Variants in PRSS38 observed in about 807,000 individuals in gnomAD.
PRSS38 encodes the protein marapsin 2.
Under a neutral mutation model 26.8 loss-of-function variants are expected in PRSS38, and 22 were observed. That is an observed-to-expected ratio of 0.82 (90% CI 0.59 to 1.17). The LOEUF (loss-of-function observed/expected upper bound fraction) is 1.17, where lower values mean the gene tolerates loss of function less well. PRSS38 is among the 50% of genes most tolerant of loss of function. The probability of loss-of-function intolerance (pLI) is 0.00; values close to 1 mark genes in which losing one functional copy is unlikely to be tolerated. For synonymous variants in PRSS38, 175 were observed against 172.1 expected, an observed-to-expected ratio of 1.02 and a Z score of -0.13; for missense variants, 427 against 422.7, an observed-to-expected ratio of 1.01 and a Z score of -0.09.
chr1:227,834,037 A>C (rs1406563555), intron 3 of PRSS38, among the ~76,000 whole-genome samples: 1 of 152,214 alleles, frequency 6.6e-6, no homozygotes, highest in African/African-American at 2.4e-5. Flanking sequence ...GAGAAGGGAC[A>C]CAGACATGGA....
chr1:227,829,011 G>A (rs1665113570), intron 3 of PRSS38, among the ~76,000 whole-genome samples: 1 of 152,176 alleles, frequency 6.6e-6, no homozygotes, highest in African/African-American at 2.4e-5. Flanking sequence ...CACTTCCCTT[G>A]ACTTGAGGGC....
chr1:227,817,097 G>T, intron 2 of PRSS38, 112 bp from the exon 3 acceptor site: 3 of 1,142,778 alleles, frequency 2.6e-6, no homozygotes, highest in Admixed American at 2.1e-5. Context: ...GAAGAAACTG[G>T]CTTTTCAATC....
At chr1:227,819,784 G>T (rs1296329393) in intron 3 of PRSS38, among the ~76,000 whole-genome samples, 1 of 152,184 alleles carries the variant, frequency 6.6e-6, no homozygotes, top group Non-Finnish European at 1.5e-5. Context: ...TTCTTTGGGG[G>T]TGTATAGGAA....
chr1:227,820,711 C>T (rs1457017050), intron 3 of PRSS38, among the ~76,000 whole-genome samples: 2 of 152,116 alleles, frequency 1.3e-5, no homozygotes, highest in Admixed American at 1.3e-4. Context: ...TTGGCTTTGG[C>T]ATCAGGATAA....
chr1:227,819,956 G>A (rs1368036790), intron 3 of PRSS38, among the ~76,000 whole-genome samples: 6 of 151,990 alleles, frequency 3.9e-5, no homozygotes, highest in Admixed American at 6.6e-5. Context: ...GGGTGTGGTG[G>A]CACTTGCCTG....
At chr1:227,845,731 G>A in intron 4 of PRSS38, 119 bp downstream of exon 4, 1 of 1,299,000 alleles carries the variant, frequency 7.7e-7, no homozygotes, top group Non-Finnish European at 1.1e-6. Context: ...GCCCCAAGCT[G>A]AGCAGGGCGA....
chr1:227,819,327 A>C (rs1308428405), intron 3 of PRSS38, among the ~76,000 whole-genome samples: 1 of 152,230 alleles, frequency 6.6e-6, no homozygotes. Context: ...AATACAAAAG[A>C]TTCAACATTT....
At chr1:227,834,109 A>G (rs886991263) in intron 3 of PRSS38, among the ~76,000 whole-genome samples, 1 of 152,156 alleles carries the variant, frequency 6.6e-6, no homozygotes, top group East Asian at 1.9e-4. Flanking sequence ...CAGAAAGCCA[A>G]GGATTTCTGG....
chr1:227,819,872 C>G (rs553393636), intron 3 of PRSS38, among the ~76,000 whole-genome samples: 2 of 152,176 alleles, frequency 1.3e-5, no homozygotes, highest in Admixed American at 6.5e-5. Flanking sequence ...GGGCGGTTCA[C>G]AAGGTCAAGA....
chr1:227,818,768 G>C (rs1453101893), intron 3 of PRSS38, among the ~76,000 whole-genome samples: 3 of 149,982 alleles, frequency 2.0e-5, no homozygotes, highest in Non-Finnish European at 4.4e-5. Context: ...TGAGTGTACT[G>C]CTGACTTTGT....
chr1:227,826,609 G>T (rs548801032), intron 3 of PRSS38, among the ~76,000 whole-genome samples: 79 of 152,150 alleles, frequency 5.2e-4, no homozygotes, highest in African/African-American at 1.8e-3. Flanking sequence ...CCAGCTACTC[G>T]GGATGCTAAG....
intron 3 of PRSS38, among the ~76,000 whole-genome samples, chr1:227,834,263 G>T (rs543893096): frequency 6.6e-6 from 1 of 152,312 alleles, no homozygotes; most frequent in East Asian, 1.9e-4. Flanking sequence ...AAACTGCCCA[G>T]TTTGGGGTAC....
intron 3 of PRSS38, among the ~76,000 whole-genome samples, chr1:227,843,484 C>T (rs1487377751): frequency 6.6e-6 from 1 of 152,170 alleles, no homozygotes; most frequent in Non-Finnish European, 1.5e-5. Context: ...GGGTGAATCA[C>T]CTGAGGTCAG....
At chr1:227,818,463 G>A (rs1219865144) in intron 3 of PRSS38, among the ~76,000 whole-genome samples, 1 of 152,008 alleles carries the variant, frequency 6.6e-6, no homozygotes, top group Non-Finnish European at 1.5e-5. Flanking sequence ...AGGATCGCTT[G>A]AGCCCAGGAG....
At chr1:227,831,974 AGGCTCTGATTG>A (rs1572086463) in intron 3 of PRSS38, among the ~76,000 whole-genome samples, 1 of 152,184 alleles carries the variant, frequency 6.6e-6, no homozygotes, top group East Asian at 1.9e-4. Context: ...ATGTCTTTTC[AGGCTCTGATTG>A]GGTGCATACA....
chr1:227,846,415 AG>A, exon 5 of PRSS38: 1 of 626,254 alleles, frequency 1.6e-6, no homozygotes, highest in Non-Finnish European at 2.7e-6. Flanking sequence ...GGGAGAACCC[AG>A]CTTGGGCAGA....
chr1:227,828,837 G>A (rs779186846), intron 3 of PRSS38, among the ~76,000 whole-genome samples: 1 of 152,156 alleles, frequency 6.6e-6, no homozygotes, highest in African/African-American at 2.4e-5. Flanking sequence ...CTGGGTCTCC[G>A]TGTGTGCCTG....
rs561174121 is a variant in PRSS38, at chr1:227,837,708, G to A, written c.584-7762G>A. Among the ~76,000 whole-genome samples the A allele has an allele frequency of 2.2e-4, 33 of 152,262 alleles. No homozygotes were observed. In the South Asian group the frequency reaches 6.6e-3, roughly 31 times the overall value. On this transcript the variant is annotated intron_variant, in intron 3 of 4. Transcript: ENST00000366757. ...AGTGGTCATGCCATTTTTCAATCCC[G>A]TGAGCAATGTAGGAGAGTGCTAGTT...
chr1:227,821,682 T>C lies in PRSS38; in HGVS notation c.583+4202T>C, dbSNP rs10916219. 9.2e-5 allele frequency among the ~76,000 whole-genome samples: 14 copies of C among 152,218 alleles called. No individual in the cohort carries two copies. In the South Asian group the frequency reaches 1.7e-3, roughly 18 times the overall value. ...TAACACTGTCTTCTGATCTCCTTAG[T>C]TTTTTATGAGAAATTGGCTATTAAT... On this transcript the variant is annotated intron_variant, in intron 3 of 4. Coordinates refer to ENST00000366757, the Ensembl canonical transcript of PRSS38.
Sources: allele counts gnomAD v4.1 joint callset (sites outside exome capture counted in the v4.1 genomes callset), GRCh38; gene constraint gnomAD v4.1.1; transcripts MANE v1.5; gene names NCBI Gene and HGNC (gene_info 2026-07-23, HGNC 2026-07-21).